The following APOL3 variants were observed in gnomAD, a reference collection of about 807,000 sequenced individuals.
The protein encoded by APOL3 is apolipoprotein L3, also known as TNF-inducible protein CG12-1.
In APOL3, 14 loss-of-function variants were observed where a neutral mutation model predicts 11.6. That is an observed-to-expected ratio of 1.21 (90% CI 0.80 to 1.89). APOL3 has a LOEUF of 1.89. APOL3 is among the 40% of genes most tolerant of loss of function. The pLI is 0.00. For synonymous variants in APOL3, 192 were observed against 190.6 expected (o/e 1.01, Z -0.06); for missense variants, 483 against 492.1 (o/e 0.98, Z 0.17).
chr22:36,158,947 A>C (rs2013348182), intron 1 of APOL3, among the ~76,000 whole-genome samples: 1 of 149,732 alleles, frequency 6.7e-6, no homozygotes, highest in Non-Finnish European at 1.5e-5. Context: ...GTGAAATCTG[A>C]ATAGCAGGTG....
intron 1 of APOL3, chr22:36,149,726 G>A: frequency 2.5e-6 from 1 of 396,486 alleles, no homozygotes; most frequent in Admixed American, 2.9e-5. Flanking sequence ...TTCCATGACT[G>A]GGCTCCACTC....
chr22:36,145,984 C>CTCTCTCTCTCTCTT (rs2060193231), intron 1 of APOL3, among the ~76,000 whole-genome samples: 1 of 113,268 alleles, frequency 8.8e-6, no homozygotes, highest in Non-Finnish European at 1.8e-5. Flanking sequence ...CTCTCTTTCT[C>CTCTCTCTCTCTCTT]TCTCTCTCTC....
At chr22:36,147,609 A>G (rs2060268278) in intron 1 of APOL3, among the ~76,000 whole-genome samples, 1 of 152,192 alleles carries the variant, frequency 6.6e-6, no homozygotes, top group African/African-American at 2.4e-5. Flanking sequence ...CTTGGTTGCC[A>G]AGGCAACTCA....
chr22:36,141,841 C>A, exon 3 of APOL3: 1 of 1,614,226 alleles, frequency 6.2e-7, no homozygotes, highest in East Asian at 2.2e-5. Flanking sequence ...GAGCTGGACA[C>A]CACATTGGAG....
At chr22:36,160,733 C>T (rs1222469962) in exon 1 of APOL3, 2 of 1,613,780 alleles carry the variant, frequency 1.2e-6, no homozygotes, top group Admixed American at 1.7e-5. Flanking sequence ...TGGATCCCAC[C>T]TCCAGCCGTG....
At chr22:36,149,921 T>C (rs1416779276) in intron 1 of APOL3, 5 of 456,082 alleles carry the variant, frequency 1.1e-5, no homozygotes, top group African/African-American at 1.0e-4. Context: ...ATGCTTCTGC[T>C]TCAACTTCCC....
At chr22:36,160,312 CCTT>C (rs1198857283) in intron 1 of APOL3, among the ~76,000 whole-genome samples, 1 of 152,214 alleles carries the variant, frequency 6.6e-6, no homozygotes. Context: ...CTGTCCTCCA[CCTT>C]CTCTGGTTCC....
upstream of APOL3, among the ~76,000 whole-genome samples, chr22:36,161,242 A>G (rs1024534641): frequency 2.0e-5 from 3 of 152,168 alleles, no homozygotes; most frequent in Non-Finnish European, 4.4e-5. Flanking sequence ...TCTGTCACCC[A>G]GGCTGGAGTG....
intron 1 of APOL3, among the ~76,000 whole-genome samples, chr22:36,159,960 C>T (rs939831017): frequency 1.3e-5 from 2 of 152,030 alleles, no homozygotes; most frequent in Non-Finnish European, 2.9e-5. Context: ...CGACTCACTG[C>T]AACCTTCATC....
At chr22:36,160,606 C>T in intron 1 of APOL3, 63 bp downstream of exon 1, 1 of 1,552,032 alleles carries the variant, frequency 6.4e-7, no homozygotes. Flanking sequence ...GTGAATGACC[C>T]TTCTCTTATA....
At chr22:36,153,404 C>T (rs967023279) in intron 1 of APOL3, 3 of 456,034 alleles carry the variant, frequency 6.6e-6, no homozygotes, top group South Asian at 4.6e-5. Context: ...AGAGAAACCT[C>T]GGTGGCTGGG....
At chr22:36,145,527 A>G in exon 2 of APOL3, 1 of 1,614,204 alleles carries the variant, frequency 6.2e-7, no homozygotes, top group Non-Finnish European at 8.5e-7. Flanking sequence ...GTTAGTCAGC[A>G]GGATTTGCAG....
intron 1 of APOL3, among the ~76,000 whole-genome samples, chr22:36,145,939 G>A (rs986771145): frequency 4.3e-5 from 6 of 138,484 alleles, no homozygotes; most frequent in South Asian, 2.5e-4. Context: ...CCCCGCCCTC[G>A]CTGTCTCTCT....
intron 1 of APOL3, chr22:36,156,812 C>A: frequency 5.3e-6 from 2 of 375,226 alleles, no homozygotes; most frequent in African/African-American, 2.1e-5. Context: ...AGGGACCCTG[C>A]GGTGTTCCCA....
At chr22:36,152,672 G>A (rs1331519375) in intron 1 of APOL3, among the ~76,000 whole-genome samples, 1 of 152,170 alleles carries the variant, frequency 6.6e-6, no homozygotes, top group African/African-American at 2.4e-5. Flanking sequence ...ACTAAAGCTT[G>A]GAGAAGTTAA....
chr22:36,156,392 T>C (rs1027243459), intron 1 of APOL3, among the ~76,000 whole-genome samples: 9 of 152,102 alleles, frequency 5.9e-5, no homozygotes, highest in East Asian at 3.8e-4. Context: ...TGAGCCACAA[T>C]ACCTAGGTCT....
chr22:36,142,167 T>G lies in APOL3; in HGVS notation c.351-109A>C, dbSNP rs561974061. 1.1e-4 allele frequency: 139 copies of G among 1,260,572 alleles called. 1 individual carries two copies. In the East Asian group the frequency reaches 2.4e-3, roughly 22 times the overall value. The allele number at this position is 1,260,572 out of a possible 1,614,324, so 78.1% of individuals were successfully genotyped here. ...CACAGAGCTATTACTATGAGTCAAA[T>G]GGAAATAAAGCTTTAAATTTTAAAT... On this transcript the variant is annotated intron_variant, in intron 2 of 2. Transcript: ENST00000349314.
At chr22:36,163,389 C>T (rs132659), upstream of APOL3, among the ~76,000 whole-genome samples, 51,642 of 152,122 alleles carry the variant, frequency 0.34, 11,444 homozygotes, top group East Asian at 0.81. Context: ...AAATCGTCCT[C>T]GCCCACCCTT....
At chr22:36,145,198 G>A (rs1452199204) in intron 2 of APOL3, among the ~76,000 whole-genome samples, 1 of 152,154 alleles carries the variant, frequency 6.6e-6, no homozygotes, top group Non-Finnish European at 1.5e-5. Flanking sequence ...AGAAAGGAAG[G>A]CAGAAAGTAG....
Sources: gnomAD v4.1 joint callset for allele counts (sites outside exome capture counted in the v4.1 genomes callset) on GRCh38, gnomAD v4.1.1 for gene constraint, MANE v1.5 for transcripts, NCBI Gene and HGNC (gene_info 2026-07-23, HGNC 2026-07-21) for gene names.